FHDC1: variants seen among roughly 807,000 people sequenced by gnomAD.
FHDC1 encodes the protein FH2 domain containing 1.
A neutral mutation model predicts 52.6 loss-of-function variants in FHDC1; 25 were observed. That is an observed-to-expected ratio of 0.48 (90% CI 0.35 to 0.66). The LOEUF (loss-of-function observed/expected upper bound fraction) is 0.66. Among genes scored for constraint, FHDC1 ranks in the 30% least tolerant of loss-of-function variants. The probability of loss-of-function intolerance (pLI) is 0.01; values close to 1 mark genes in which losing one functional copy is unlikely to be tolerated. For synonymous variants in FHDC1, 616 were observed against 581.5 expected, an observed-to-expected ratio of 1.06 and a Z score of -0.85; for missense variants, 1,459 against 1,452.8, an observed-to-expected ratio of 1.00 and a Z score of -0.07.
intron 1 of FHDC1, among the ~76,000 whole-genome samples, chr4:152,937,628 C>T (rs1739430924): frequency 6.6e-6 from 1 of 151,698 alleles, no homozygotes; most frequent in African/African-American, 2.4e-5. Flanking sequence ...GCTGGGCGCC[C>T]GCCCCGCAGT....
At chr4:152,918,040 A>G in the FHDC1 span, among the ~76,000 whole-genome samples, 1 of 152,256 alleles carries the variant, frequency 6.6e-6, no homozygotes, top group Non-Finnish European at 1.5e-5. Context: ...TTAAAGCTTC[A>G]TAGTAGGCTG....
chr4:152,937,866 G>T (rs2149933080), intron 1 of FHDC1, among the ~76,000 whole-genome samples: 1 of 152,274 alleles, frequency 6.6e-6, no homozygotes, highest in East Asian at 1.9e-4. Flanking sequence ...GCCGGTGGCG[G>T]CTGAGCCGGT....
At chr4:152,925,832 GAGAAGGAGA>G in the FHDC1 span, among the ~76,000 whole-genome samples, 8 of 149,428 alleles carry the variant, frequency 5.4e-5, no homozygotes, top group East Asian at 3.9e-4. Context: ...GAAGAAGAGG[GAGAAGGAGA>G]AGAAGGAGAA....
At chr4:152,926,305 A>ACAG in the FHDC1 span, among the ~76,000 whole-genome samples, 18 of 113,054 alleles carry the variant, frequency 1.6e-4, no homozygotes, top group Middle Eastern at 9.9e-3. Flanking sequence ...CACACACACA[A>ACAG]ACAATACACA....
rs986555830 is a variant in FHDC1, at chr4:152,949,466, C to A, written c.499-4033C>A. ...CCGCACTCCAGCCTAGGTGACAGAG[C>A]AAGACCCTGTCTCTAAAAAAATAAA... On this transcript the variant is annotated intron_variant, in intron 2 of 11. Coordinates refer to ENST00000511601, the MANE Select transcript of FHDC1 (RefSeq NM_001371116.1). Among the ~76,000 whole-genome samples, 5 of 152,236 alleles carry A rather than the reference C, an allele frequency of 3.3e-5. No homozygotes were observed. The East Asian group carries it at 7.7e-4, about 24-fold the overall frequency.
the FHDC1 span, among the ~76,000 whole-genome samples, chr4:152,921,760 C>T: frequency 1.3e-5 from 2 of 152,046 alleles, no homozygotes; most frequent in East Asian, 3.9e-4. Context: ...TTATAACCCT[C>T]ATGCCAAATT....
intron 3 of FHDC1, 122 bp downstream of exon 3, chr4:152,953,682 C>A: frequency 1.3e-6 from 1 of 793,434 alleles, no homozygotes; most frequent in Non-Finnish European, 2.1e-6. Context: ...AGACGCATGG[C>A]TTGATGAGCC....
Position 152,975,718 on chromosome 4 carries a change from C to T in FHDC1, c.2427C>T (p.Ser809=), listed in dbSNP as rs1461682203. 3 of 1,602,498 alleles carry T rather than the reference C, an allele frequency of 1.9e-6. No individual in the cohort carries two copies. The highest frequency in any genetic ancestry group is 1.7e-5 in the Admixed American group (1 of 59,420). ...EEGGEGDGSM[S]SGVGEMGDSQ... ...GCGGGGAAGGGGATGGCTCCATGTC[C>T]TCTGGGGTTGGAGAAATGGGGGACA... The change falls in exon 12 of 12, where the codon TCC becomes TCT. Residue 809 remains serine (S), a synonymous_variant. Coordinates refer to ENST00000511601, the MANE Select transcript of FHDC1 (RefSeq NM_001371116.1).
At chr4:152,921,578 CT>C in the FHDC1 span, among the ~76,000 whole-genome samples, 6 of 141,766 alleles carry the variant, frequency 4.2e-5, no homozygotes, top group Admixed American at 2.2e-4. Flanking sequence ...TCCTTCCTTC[CT>C]TCCTTCCTCC....
At chr4:152,927,765 A>T in the FHDC1 span, 1 of 1,374,534 alleles carries the variant, frequency 7.3e-7, no homozygotes, top group South Asian at 1.2e-5. Flanking sequence ...CAAAGAGAAG[A>T]AGAACTGAAA....
intron 2 of FHDC1, among the ~76,000 whole-genome samples, chr4:152,951,937 G>T (rs560342637): frequency 6.6e-6 from 1 of 152,150 alleles, no homozygotes; most frequent in Non-Finnish European, 1.5e-5. Flanking sequence ...GCTCAATCTG[G>T]GTTTTGACAG....
chr4:152,958,992 G>T (rs531869623), intron 4 of FHDC1, among the ~76,000 whole-genome samples: 1 of 152,286 alleles, frequency 6.6e-6, no homozygotes, highest in Non-Finnish European at 1.5e-5. Context: ...AAATAATTGA[G>T]GTAGATGTTT....
At chr4:152,941,238 A>ATTGAG in intron 1 of FHDC1, among the ~76,000 whole-genome samples, 2 of 152,234 alleles carry the variant, frequency 1.3e-5, no homozygotes, top group Non-Finnish European at 2.9e-5. Flanking sequence ...GATGATCACC[A>ATTGAG]AGCATTGAGA....
chr4:152,956,818 A>C (rs1243511363), intron 4 of FHDC1, among the ~76,000 whole-genome samples: 1 of 152,180 alleles, frequency 6.6e-6, no homozygotes, highest in Non-Finnish European at 1.5e-5. Context: ...TGTTTACATT[A>C]CTGACTCTGA....
rs1357146899 is a variant in FHDC1, at chr4:152,975,895, A to C, written c.2604A>C (p.Lys868Asn). 1.3e-6 allele frequency: 2 copies of C among 1,513,932 alleles called. No individual in the cohort carries two copies. Among genetic ancestry groups the C allele is most frequent in the African/African-American group, 2.8e-5 (2 of 71,598 alleles). 93.8% of individuals were successfully genotyped at this position (1,513,932 alleles called of 1,614,324 possible). ...TAGCACCAAAGAGAGGCTCCCTGAA[A>C]GAGGCGTCTCCCGGGGCCTCCAAGC... ...DVVAPKRGSL[K>N]EASPGASKPG... Residue 868 changes from lysine (K) to asparagine (N), a missense_variant, in exon 12 of 12, where the codon AAA (lysine) becomes AAC (asparagine). Transcript: ENST00000511601.
At chr4:152,964,773 C>T (rs952295121) in intron 8 of FHDC1, 132 bp from the exon 9 acceptor site, 10 of 676,032 alleles carry the variant, frequency 1.5e-5, no homozygotes, top group African/African-American at 3.6e-5. Flanking sequence ...GAGTTCATGT[C>T]TCAGTGAAAT....
chr4:152,928,072 C>T, the FHDC1 span: 3 of 1,370,420 alleles, frequency 2.2e-6, no homozygotes, highest in South Asian at 2.3e-5. Context: ...CAGTCTGTAT[C>T]AGCATCCTCC....
At chr4:152,937,611 C>T (rs894535541) in intron 1 of FHDC1, among the ~76,000 whole-genome samples, 1 of 151,618 alleles carries the variant, frequency 6.6e-6, no homozygotes, top group African/African-American at 2.4e-5. Context: ...GGTCGTGCAA[C>T]GCCCGCGCTG....
chr4:152,953,537 G>T lies in FHDC1; in HGVS notation c.537G>T (p.Gly179=), dbSNP rs778421269. ...ATGCAAAACGGAGCATGAACATTGG[G>T]ATATTTCTTAAGCAATTTAAGAAGT... The part of the protein sequence containing the change: ...ILDAKRSMNI[G]IFLKQFKKSP... Residue 179 remains glycine (G), a synonymous_variant, in exon 3 of 12, where the codon GGG becomes GGT. Transcript: ENST00000511601. The T allele has an allele frequency of 2.5e-6, 4 of 1,612,226 alleles. No homozygotes were observed. The highest frequency in any genetic ancestry group is 3.4e-6 in the Non-Finnish European group (4 of 1,179,880).
Sources: gnomAD v4.1 joint callset for allele counts (sites outside exome capture counted in the v4.1 genomes callset) on GRCh38, gnomAD v4.1.1 for gene constraint, MANE v1.5 for transcripts, NCBI Gene and HGNC (gene_info 2026-07-23, HGNC 2026-07-21) for gene names.